Variants in SEMA3E observed in about 807,000 individuals in gnomAD.
SEMA3E encodes the protein semaphorin 3E.
In SEMA3E, 49 loss-of-function variants were observed where a neutral mutation model predicts 93.6. The observed-to-expected ratio is 0.52, with a 90% CI of 0.42 to 0.66. SEMA3E has a LOEUF of 0.66. Ranked by LOEUF, SEMA3E falls within the 30% of genes least tolerant of loss-of-function variation. The pLI, the probability that SEMA3E is intolerant of heterozygous loss-of-function variation, is 0.00. For synonymous variants in SEMA3E, 363 were observed against 330.7 expected, an observed-to-expected ratio of 1.10 and a Z score of -1.06; for missense variants, 906 against 964.8, an observed-to-expected ratio of 0.94 and a Z score of 0.81.
intron 1 of SEMA3E, among the ~76,000 whole-genome samples, chr7:83,620,139 G>C (rs1034222353): frequency 2.0e-5 from 3 of 151,812 alleles, no homozygotes; most frequent in African/African-American, 7.3e-5. Flanking sequence ...TGATAGGAAT[G>C]AGGGATTTTA....
intron 1 of SEMA3E, among the ~76,000 whole-genome samples, chr7:83,600,190 C>A (rs1440279472): frequency 1.3e-5 from 2 of 152,148 alleles, no homozygotes; most frequent in Admixed American, 6.5e-5. Flanking sequence ...AAAATCCTTC[C>A]AATTTAATGG....
chr7:83,478,246 A>G lies in SEMA3E; in HGVS notation c.277-8944T>C, dbSNP rs372140896. ...CCCAATTTTAGCTTTAAATTATAGT[A>G]GTGAGAATAATTTTAGAAAAACAAG... On this transcript the variant is annotated intron_variant, in intron 2 of 16. Transcript: ENST00000643230. Among the ~76,000 whole-genome samples, 11 of 152,252 alleles carry G rather than the reference A, an allele frequency of 7.2e-5. 1 individual carries two copies. Among genetic ancestry groups the G allele is most frequent in the African/African-American group, 7.2e-5 (3 of 41,544 alleles).
At chr7:83,533,518 T>TA (rs1354628002) in intron 1 of SEMA3E, among the ~76,000 whole-genome samples, 1 of 151,972 alleles carries the variant, frequency 6.6e-6, no homozygotes, top group Non-Finnish European at 1.5e-5. Flanking sequence ...CACTACGGCC[T>TA]GGGCGACAGA....
At position 83,470,862 on chromosome 7, in the gene SEMA3E, C is replaced by CTTTT. The variant is rs60392556; in HGVS notation, c.277-1564_277-1561dup. 6.5e-3 allele frequency among the ~76,000 whole-genome samples: 905 copies of CTTTT among 139,834 alleles called. 15 individuals are homozygous for CTTTT. Among genetic ancestry groups the CTTTT allele is most frequent in the Admixed American group, 9.8e-3 (134 of 13,742 alleles). The allele number at this position is 139,834 out of a possible 152,430, so 91.7% of individuals were successfully genotyped here. A position where few individuals can be genotyped will look rare whatever the true frequency, so the allele number is the denominator to read the frequency against. ...TTAAGGTGTGGTTCCCCCACATTTT[C>CTTTT]TTTTTTTTTTTTTTTTGGATCTTAA... is the stretch of plus-strand genomic sequence containing the variant. On this transcript the variant is annotated intron_variant, in intron 2 of 16. Transcript: ENST00000643230.
chr7:83,388,448 AT>A (rs1787928634), intron 14 of SEMA3E, among the ~76,000 whole-genome samples: 1 of 151,686 alleles, frequency 6.6e-6, no homozygotes, highest in Admixed American at 6.6e-5. Context: ...TAGTATTGAA[AT>A]TCTAAAATCA....
At chr7:83,613,803 A>G (rs42025) in intron 1 of SEMA3E, among the ~76,000 whole-genome samples, 97,748 of 151,892 alleles carry the variant, frequency 0.64, 32,442 homozygotes, top group African/African-American at 0.82. Context: ...CTGAAACTAC[A>G]TATTTCGTCT....
rs1017957390 is a variant in SEMA3E at position 83,448,610 on chromosome 7, T to C, written c.456+17872A>G. Among the ~76,000 whole-genome samples, 29 of 152,230 alleles carry C rather than the reference T, an allele frequency of 1.9e-4. 1 individual carries two copies. The highest frequency in any genetic ancestry group is 6.8e-4 in the African/African-American group (28 of 41,458). On this transcript the variant is annotated intron_variant, in intron 4 of 16. Transcript: ENST00000643230. ...TTTCAGCAAATGTGAAATATATCTT[T>C]AGAGTTACATAATTTTAATGTCTTC...
chr7:83,570,764 T>C (rs1477625759), intron 1 of SEMA3E, among the ~76,000 whole-genome samples: 2 of 151,344 alleles, frequency 1.3e-5, no homozygotes, highest in Non-Finnish European at 1.5e-5. Flanking sequence ...TAATTGGTTC[T>C]TTGAAAGAAT....
intron 4 of SEMA3E, among the ~76,000 whole-genome samples, chr7:83,436,241 A>T (rs1318859260): frequency 6.6e-6 from 1 of 151,184 alleles, no homozygotes; most frequent in East Asian, 1.9e-4. Context: ...CAACACAAAT[A>T]AATCTAAAAG....
At position 83,490,176 on chromosome 7, in the gene SEMA3E, C is replaced by T. The variant is rs371960755; in HGVS notation, c.214G>A (p.Val72Met). Residue 72 changes from valine (V) to methionine (M), a missense_variant, in exon 2 of 17, where the codon GTG becomes ATG. Physicochemically the swap from Val to Met is conservative, Grantham distance 21. Transcript: ENST00000643230. ...LLDEYQERLF[V>M]GGRDLVYSLS... ...GAATATACAAGGTCCCTGCCTCCCA[C>T]GAAGAGCCTCTCTTGATATTCATCC... The T allele has an allele frequency of 2.8e-5, 45 of 1,612,946 alleles. No individual in the cohort carries two copies. Among genetic ancestry groups the T allele is most frequent in the Middle Eastern group, 1.6e-4 (1 of 6,084 alleles).
intron 4 of SEMA3E, among the ~76,000 whole-genome samples, chr7:83,448,302 C>T (rs1789278442): frequency 6.6e-6 from 1 of 152,168 alleles, no homozygotes; most frequent in African/African-American, 2.4e-5. Context: ...CGATGTATTA[C>T]TTAATCACCT....
At chr7:83,604,539 T>C (rs7777248) in intron 1 of SEMA3E, among the ~76,000 whole-genome samples, 43,164 of 149,682 alleles carry the variant, frequency 0.29, 6,834 homozygotes, top group South Asian at 0.35. Flanking sequence ...TGTATATATA[T>C]ATATGTACAT....
chr7:83,454,272 A>AAAAAAAAAAATAT (rs1257792756), intron 4 of SEMA3E, among the ~76,000 whole-genome samples: 3 of 110,132 alleles, frequency 2.7e-5, no homozygotes, highest in African/African-American at 1.3e-4. Context: ...AAAAAAAAAA[A>AAAAAAAAAAATAT]ATATATATAT....
intron 1 of SEMA3E, among the ~76,000 whole-genome samples, chr7:83,491,239 C>A (rs532501282): frequency 3.9e-4 from 59 of 152,122 alleles, no homozygotes; most frequent in African/African-American, 1.3e-3. Context: ...CTTTTTGTTT[C>A]TGAGAAAGAA....
intron 1 of SEMA3E, among the ~76,000 whole-genome samples, chr7:83,515,027 C>T (rs961935937): frequency 7.9e-5 from 12 of 152,186 alleles, no homozygotes; most frequent in Non-Finnish European, 1.5e-4. Flanking sequence ...AAATAGCAAC[C>T]TCTGTTGCCA....
intron 2 of SEMA3E, among the ~76,000 whole-genome samples, chr7:83,474,251 T>C (rs1259216696): frequency 6.6e-6 from 1 of 152,158 alleles, no homozygotes; most frequent in Admixed American, 6.5e-5. Flanking sequence ...CATTTCCTGA[T>C]ACATGAGTAA....
At chr7:83,591,621 A>G (rs1414514519) in intron 1 of SEMA3E, among the ~76,000 whole-genome samples, 1 of 152,020 alleles carries the variant, frequency 6.6e-6, no homozygotes, top group East Asian at 1.9e-4. Context: ...AAAATTATAT[A>G]AGAACCATAT....
chr7:83,386,938 T>G (rs921953906), intron 15 of SEMA3E, 45 bp downstream of exon 15: 3 of 1,534,394 alleles, frequency 2.0e-6, no homozygotes, highest in Non-Finnish European at 2.7e-6. Context: ...TTATGTTCAA[T>G]GTATTCTCTG....
chr7:83,408,152 T>C (rs1429692447), intron 6 of SEMA3E, among the ~76,000 whole-genome samples: 2 of 152,210 alleles, frequency 1.3e-5, no homozygotes, highest in Non-Finnish European at 2.9e-5. Context: ...GCTCGGAAGG[T>C]ATACTGATTT....
Sources: allele counts gnomAD v4.1 joint callset (sites outside exome capture counted in the v4.1 genomes callset), GRCh38; gene constraint gnomAD v4.1.1; transcripts MANE v1.5; gene names NCBI Gene and HGNC (gene_info 2026-07-23, HGNC 2026-07-21).